UNG: variants seen among roughly 807,000 people sequenced by gnomAD.
UNG encodes the protein uracil DNA glycosylase.
UNG carries 34 observed loss-of-function variants against 36.5 expected under a neutral mutation model. The ratio of observed to expected loss-of-function variants is 0.93; its 90% confidence interval spans 0.71 to 1.24. UNG has a LOEUF of 1.24. UNG is among the 50% of genes most tolerant of loss of function. UNG has a pLI of 0.00. For missense variants in UNG, 391 were observed against 397.6 expected (o/e 0.98, Z 0.14); for synonymous variants, 172 against 157.8 (o/e 1.09, Z -0.67).
chr12:109,101,316 T>C (rs2042175394), intron 3 of UNG, among the ~76,000 whole-genome samples: 1 of 151,744 alleles, frequency 6.6e-6, no homozygotes, highest in Non-Finnish European at 1.5e-5. Flanking sequence ...GGTTTCGATA[T>C]CTTGACCTCG....
chr12:109,099,769 T>C (rs2042163393), intron 3 of UNG, among the ~76,000 whole-genome samples: 1 of 152,192 alleles, frequency 6.6e-6, no homozygotes, highest in Non-Finnish European at 1.5e-5. Context: ...GCGGCTCTCA[T>C]CCATCTTGTG....
chr12:109,097,905 T>C, intron 1 of UNG, 94 bp downstream of exon 1: 2 of 1,399,390 alleles, frequency 1.4e-6, no homozygotes, highest in Non-Finnish European at 9.4e-7. Context: ...CGCCTCTGAC[T>C]CGGTAAACCC....
At position 109,109,763 on chromosome 12, in the gene UNG, C is replaced by CAAA. The variant is rs71079524; in HGVS notation, c.802-50_802-48dup. On this transcript the variant is annotated intron_variant, in intron 6 of 6. Coordinates refer to ENST00000242576, the MANE Select transcript of UNG (RefSeq NM_080911.3). ...ACGCCACTGCAGCAAGACTCTGTCT[C>CAAA]AAAAAAAAAAAAAAAAAATTTAAAA... The CAAA allele has an allele frequency of 2.9e-3, 3,756 of 1,296,010 alleles. 6 individuals are homozygous for CAAA. The highest frequency in any genetic ancestry group is 5.8e-3 in the East Asian group (197 of 33,944). 80.3% of individuals were successfully genotyped at this position (1,296,010 alleles called of 1,614,324 possible).
intron 4 of UNG, 119 bp downstream of exon 4, chr12:109,102,118 G>C (rs3219230): frequency 1.1e-6 from 1 of 894,428 alleles, no homozygotes; most frequent in South Asian, 1.4e-5. Flanking sequence ...AGGATTTCTC[G>C]GCCTCAGCAC....
rs1324427665 is a variant in UNG, at chr12:109,102,857, A to G, written c.552A>G (p.Lys184=). ...CTTTCAGTTTGGAGAACATTTATAA[A>G]GAGTTGTCTACAGACATAGAGGATT... ...PPPPSLENIY[K]ELSTDIEDFV... Residue 184 remains lysine, a synonymous_variant, in exon 5 of 7, where the codon AAA becomes AAG. Transcript: ENST00000242576. 1 of 1,613,298 alleles carries G rather than the reference A, an allele frequency of 6.2e-7. No homozygotes were observed. The highest frequency in any genetic ancestry group is 8.5e-7 in the Non-Finnish European group (1 of 1,179,746).
In UNG at chr12:109,097,607, C is replaced by CGCCACA. The variant is rs897095209; in HGVS notation, c.-62_-57dup. 30 of 1,562,980 alleles carry CGCCACA rather than the reference C, an allele frequency of 1.9e-5. No homozygotes were observed. The Admixed American group carries it at 2.8e-4, about 15-fold the overall frequency. ...GGGCCGCTTGGCGCCAATTGCTGAC[C>CGCCACA]GCCACAGCCACAGCCAGGGCTAGCC... is the stretch of plus-strand genomic sequence containing the variant. On this transcript the variant is annotated 5_prime_UTR_variant, in exon 1 of 7. Transcript: ENST00000242576.
chr12:109,098,032 C>T, intron 1 of UNG: 5 of 1,334,544 alleles, frequency 3.7e-6, no homozygotes, highest in Non-Finnish European at 4.9e-6. Context: ...TGGCGCCAAT[C>T]CGCGCGCCGC....
chr12:109,097,864 G>A (rs2042143329), intron 1 of UNG, 53 bp downstream of exon 1: 3 of 1,466,582 alleles, frequency 2.0e-6, no homozygotes, highest in African/African-American at 2.8e-5. Flanking sequence ...GAAGGCGGTG[G>A]GCCCCGCCTG....
intron 6 of UNG, among the ~76,000 whole-genome samples, chr12:109,107,235 CTG>C (rs2042224557): frequency 6.6e-6 from 1 of 152,056 alleles, no homozygotes; most frequent in Admixed American, 6.6e-5. Flanking sequence ...GGGTCTAGCT[CTG>C]TCACCCAGGC....
chr12:109,102,947 ATTTTTTTT>A lies in UNG; in HGVS notation c.622+35_622+42del. On this transcript the variant is annotated intron_variant, in intron 5 of 6. Coordinates refer to ENST00000242576, the MANE Select transcript of UNG (RefSeq NM_080911.3). Reference sequence around the variant, plus strand: ...AGCAAGGTAAGCCAGCGACTGCTAGATTTTTTTTTTTTTTTTTTTTTTGAGACCGAGTC... The same window carrying A: ...AGCAAGGTAAGCCAGCGACTGCTAGATTTTTTTTTTTTTTGAGACCGAGTC... The A allele has an allele frequency of 3.1e-6, 3 of 970,848 alleles. No homozygotes were observed. The highest frequency in any genetic ancestry group is 2.9e-5 in the East Asian group (1 of 33,950). The allele number at this position is 970,848 out of a possible 1,614,324, so 60.1% of individuals were successfully genotyped here.
At chr12:109,109,085 CAGGTT>C (rs2042240135) in intron 6 of UNG, among the ~76,000 whole-genome samples, 3 of 152,154 alleles carry the variant, frequency 2.0e-5, no homozygotes, top group Admixed American at 2.0e-4. Context: ...TGATGTTCAG[CAGGTT>C]ATATGTCATA....
chr12:109,106,882 T>TATATATATAC (rs1566123191), intron 6 of UNG, among the ~76,000 whole-genome samples: 7 of 115,636 alleles, frequency 6.1e-5, no homozygotes, highest in African/African-American at 1.7e-4. Flanking sequence ...AAAACATATA[T>TATATATATAC]ATATATACAC....
intron 6 of UNG, among the ~76,000 whole-genome samples, chr12:109,106,276 CTG>C (rs1162948868): frequency 2.0e-5 from 3 of 152,144 alleles, no homozygotes; most frequent in East Asian, 3.9e-4. Context: ...AGCAACTTCT[CTG>C]TGGTACAGCT....
intron 6 of UNG, among the ~76,000 whole-genome samples, chr12:109,106,905 G>GTATATATATA (rs377199226): frequency 1.3e-4 from 6 of 44,752 alleles, no homozygotes; most frequent in African/African-American, 9.3e-4. Flanking sequence ...ATATATATAC[G>GTATATATATA]TATATATATA....
intron 3 of UNG, among the ~76,000 whole-genome samples, 175 bp from the exon 4 acceptor site, chr12:109,101,727 G>A (rs987939710): frequency 6.6e-6 from 1 of 152,140 alleles, no homozygotes; most frequent in Admixed American, 6.5e-5. Flanking sequence ...TAAAAAAGCA[G>A]CTAGGTACAT....
intron 6 of UNG, among the ~76,000 whole-genome samples, chr12:109,107,852 TTTTG>T (rs1371978688): frequency 6.6e-6 from 1 of 152,030 alleles, no homozygotes; most frequent in Non-Finnish European, 1.5e-5. Flanking sequence ...GGCGAGATTT[TTTTG>T]TTTTTGTTTT....
Position 109,103,442 on chromosome 12 carries a change from T to C in UNG, c.632T>C (p.Leu211Pro). The change falls in exon 6 of 7, where the codon CTT becomes CCT. Residue 211 changes from leucine to proline, a missense_variant. Leu to Pro is a moderately conservative substitution (Grantham distance 98). Transcript: ENST00000242576. ...LSGWAKQGVL[L>P]LNAVLTVRAH... The stretch of plus-strand genomic sequence containing the variant: ...TCTCTCATGTGTATAGGTGTTCTCC[T>C]TCTCAACGCTGTCCTCACGGTTCGT... The C allele has an allele frequency of 6.2e-7, 1 of 1,614,144 alleles. No individual in the cohort carries two copies. The highest frequency in any genetic ancestry group is 8.5e-7 in the Non-Finnish European group (1 of 1,180,000).
At chr12:109,103,803 A>G (rs369157669) in intron 6 of UNG, among the ~76,000 whole-genome samples, 192 bp downstream of exon 6, 4 of 152,078 alleles carry the variant, frequency 2.6e-5, no homozygotes, top group South Asian at 2.1e-4. Context: ...TATAGGGGTG[A>G]TGAGTTGTGT....
At chr12:109,098,986 A>G (rs1053926662) in intron 2 of UNG, among the ~76,000 whole-genome samples, 8 of 152,210 alleles carry the variant, frequency 5.3e-5, no homozygotes, top group Non-Finnish European at 1.0e-4. Context: ...CAGCCCAGAG[A>G]AAGAGGCAAG....
Sources: allele counts gnomAD v4.1 joint callset (sites outside exome capture counted in the v4.1 genomes callset), GRCh38; gene constraint gnomAD v4.1.1; transcripts MANE v1.5; gene names NCBI Gene and HGNC (gene_info 2026-07-23, HGNC 2026-07-21).